CTDP1: variants seen among roughly 807,000 people sequenced by gnomAD.
CTDP1 encodes the protein RNA polymerase II subunit A C-terminal domain phosphatase.
A neutral mutation model predicts 91.8 loss-of-function variants in CTDP1; 47 were observed. The observed-to-expected ratio is 0.51, with a 90% CI of 0.41 to 0.65. The LOEUF (loss-of-function observed/expected upper bound fraction) is 0.65, where lower values mean the gene tolerates loss of function less well. Among genes scored for constraint, CTDP1 ranks in the 30% least tolerant of loss-of-function variants. The pLI, the probability that CTDP1 is intolerant of heterozygous loss-of-function variation, is 0.00. For missense variants in CTDP1, 1,272 were observed against 1,373.7 expected, an observed-to-expected ratio of 0.93 and a Z score of 1.17; for synonymous variants, 656 against 598.5, an observed-to-expected ratio of 1.10 and a Z score of -1.40.
In CTDP1 at chr18:79,713,957, C is replaced by T. The variant is rs2086136191; in HGVS notation, c.1031-534C>T. 6.9e-6 allele frequency among the ~76,000 whole-genome samples: 1 copy of T among 145,202 alleles called. No individual in the cohort carries two copies. The highest frequency in any genetic ancestry group is 6.8e-5 in the Admixed American group (1 of 14,768). Reference sequence around the variant, plus strand: ...CGCCAGGTCTGCAGGGGCTTACGGCCACGGTGGCGCCAGGTCTGCAGGGGC... The same window carrying T: ...CGCCAGGTCTGCAGGGGCTTACGGCTACGGTGGCGCCAGGTCTGCAGGGGC... On this transcript the variant is annotated intron_variant, in intron 7 of 12. Coordinates refer to ENST00000613122, the MANE Select transcript of CTDP1 (RefSeq NM_004715.5). The surrounding 1 kb of genome is among the most constrained non-coding windows in gnomAD (Gnocchi z 4.7).
At chr18:79,722,305 ACAG>A (rs2086361464) in intron 10 of CTDP1, among the ~76,000 whole-genome samples, 1 of 152,236 alleles carries the variant, frequency 6.6e-6, no homozygotes, top group African/African-American at 2.4e-5. Context: ...ATTTACGTGA[ACAG>A]CAGCAGTTCA....
At chr18:79,740,294 G>A (rs113912931) in intron 12 of CTDP1, among the ~76,000 whole-genome samples, 8 of 152,374 alleles carry the variant, frequency 5.3e-5, no homozygotes, top group African/African-American at 1.9e-4. Flanking sequence ...TGACTGCTGG[G>A]GGCCGTGTGT....
chr18:79,681,380 C>A, intron 1 of CTDP1: 1 of 870,266 alleles, frequency 1.1e-6, no homozygotes, highest in Non-Finnish European at 1.4e-6. Context: ...TGGGCACTGG[C>A]CGTACCTGGG....
chr18:79,688,182 T>C (rs1484575035), intron 1 of CTDP1, among the ~76,000 whole-genome samples: 1 of 152,272 alleles, frequency 6.6e-6, no homozygotes, highest in East Asian at 1.9e-4. Flanking sequence ...AGCTGACGAC[T>C]GCACTGCACT....
intron 1 of CTDP1, among the ~76,000 whole-genome samples, chr18:79,683,765 C>T (rs2085425162): frequency 6.6e-6 from 1 of 152,210 alleles, no homozygotes. Context: ...TGGAGAAAGT[C>T]TTGGGAAATC....
intron 1 of CTDP1, chr18:79,681,409 C>T (rs2085365176): frequency 1.0e-6 from 1 of 964,864 alleles, no homozygotes; most frequent in Non-Finnish European, 1.2e-6. Context: ...GGAGGCAGAT[C>T]CCAATGCTGG....
intron 10 of CTDP1, among the ~76,000 whole-genome samples, chr18:79,726,023 T>C (rs1394900919): frequency 2.0e-5 from 3 of 152,332 alleles, no homozygotes; most frequent in East Asian, 3.9e-4. Flanking sequence ...TATGTTTGAC[T>C]CTGCTTTTTG....
chr18:79,705,146 T>C (rs993091377), intron 5 of CTDP1, among the ~76,000 whole-genome samples: 1 of 152,078 alleles, frequency 6.6e-6, no homozygotes, highest in African/African-American at 2.4e-5. Flanking sequence ...GTGGGCCGCT[T>C]TGGGAGTTTG....
upstream of CTDP1, chr18:79,679,070 G>C: frequency 3.7e-6 from 1 of 272,482 alleles, no homozygotes; most frequent in Non-Finnish European, 7.3e-6. Flanking sequence ...TGCTCATCAG[G>C]GTTCGCCTGG....
chr18:79,694,804 TGTA>T lies in CTDP1; in HGVS notation c.315-418_315-416del, dbSNP rs371282325. Among the ~76,000 whole-genome samples, 452 of 152,308 alleles carry T rather than the reference TGTA, an allele frequency of 3.0e-3. 1 individual carries two copies. The highest frequency in any genetic ancestry group is 0.01 in the African/African-American group (430 of 41,556). ...CATTACAGTCATTTTGTCAGGAAAA[TGTA>T]GTTGCATCAGCCTCTGTCTAGACTG... On this transcript the variant is annotated intron_variant, in intron 1 of 12. Transcript: ENST00000613122.
At chr18:79,683,660 C>T (rs1047976648) in intron 1 of CTDP1, among the ~76,000 whole-genome samples, 19 of 152,372 alleles carry the variant, frequency 1.2e-4, no homozygotes, top group Admixed American at 2.6e-4. Context: ...GGAATTCTGG[C>T]TTGGGCGAAG....
At chr18:79,748,384 G>A (rs754551063) in intron 12 of CTDP1, among the ~76,000 whole-genome samples, 5 of 152,210 alleles carry the variant, frequency 3.3e-5, no homozygotes, top group Non-Finnish European at 5.9e-5. Flanking sequence ...CAGGGCCTGG[G>A]GGGACCCATG....
At chr18:79,707,014 G>A (rs1415460863) in intron 5 of CTDP1, among the ~76,000 whole-genome samples, 1 of 152,242 alleles carries the variant, frequency 6.6e-6, no homozygotes, top group Non-Finnish European at 1.5e-5. Context: ...CTCTGAAGCT[G>A]GGCTTCTTTA....
chr18:79,696,202 A>G (rs985520165), intron 3 of CTDP1, 132 bp downstream of exon 3: 4 of 785,516 alleles, frequency 5.1e-6, no homozygotes, highest in Admixed American at 4.0e-5. Flanking sequence ...CCCTCATCAC[A>G]CGGATGACTT....
chr18:79,694,141 G>A (rs1033578970), intron 1 of CTDP1, among the ~76,000 whole-genome samples: 14 of 151,214 alleles, frequency 9.3e-5, no homozygotes, highest in African/African-American at 2.2e-4. Flanking sequence ...GGAGCAGCCC[G>A]GCTGGGACGG....
chr18:79,746,928 G>A (rs2086894556), intron 12 of CTDP1, among the ~76,000 whole-genome samples: 1 of 152,144 alleles, frequency 6.6e-6, no homozygotes, highest in South Asian at 2.1e-4. Flanking sequence ...CGTGCCCACT[G>A]TGCCTACCGT....
chr18:79,749,423 C>T (rs1339763586), intron 12 of CTDP1, among the ~76,000 whole-genome samples: 3 of 151,816 alleles, frequency 2.0e-5, no homozygotes, highest in African/African-American at 7.3e-5. Flanking sequence ...AGTCTGGCCC[C>T]ACTAGGAGGG....
chr18:79,717,842 A>G lies in CTDP1; in HGVS notation c.2243A>G (p.Glu748Gly). 1 of 1,613,524 alleles carries G rather than the reference A, an allele frequency of 6.2e-7. No homozygotes were observed. The highest frequency in any genetic ancestry group is 8.5e-7 in the Non-Finnish European group (1 of 1,179,974). ...ENSPAAFPDREGVPPTALFHP... is the reference protein window; with the variant it reads ...ENSPAAFPDRGGVPPTALFHP... ...AGCCCTGCGGCCTTTCCCGACCGGG[A>G]GGGTGTGCCCCCCACCGCCTTGTTC... is the stretch of plus-strand genomic sequence containing the variant. Residue 748 changes from glutamate (E) to glycine (G), a missense_variant, in exon 10 of 13, where the codon GAG becomes GGG. Coordinates refer to ENST00000613122, the MANE Select transcript of CTDP1 (RefSeq NM_004715.5).
intron 12 of CTDP1, among the ~76,000 whole-genome samples, chr18:79,741,585 A>G (rs749928436): frequency 6.6e-6 from 1 of 152,206 alleles, no homozygotes; most frequent in Non-Finnish European, 1.5e-5. Context: ...CATCTGGTGC[A>G]GTGATAAACA....
Sources: gnomAD v4.1 joint callset for allele counts (sites outside exome capture counted in the v4.1 genomes callset) on GRCh38, gnomAD v4.1.1 for gene constraint, Gnocchi (gnomAD v3.1) non-coding constraint, MANE v1.5 for transcripts, NCBI Gene and HGNC (gene_info 2026-07-23, HGNC 2026-07-21) for gene names.